The following FETUB variants were observed in gnomAD, a reference collection of about 807,000 sequenced individuals.
The protein encoded by FETUB is fetuin-B.
FETUB carries 28 observed loss-of-function variants against 30.9 expected under a neutral mutation model. That is an observed-to-expected ratio of 0.90 (90% confidence interval 0.67 to 1.24). The LOEUF (loss-of-function observed/expected upper bound fraction) is 1.24. Among genes scored for constraint, FETUB ranks in the 50% most tolerant of loss-of-function variants. The probability of loss-of-function intolerance (pLI) is 0.00; values close to 1 mark genes in which losing one functional copy is unlikely to be tolerated. For synonymous variants in FETUB, 186 were observed against 175.9 expected (o/e 1.06, Z -0.45); for missense variants, 469 against 455.3 (o/e 1.03, Z -0.27).
Position 186,651,220 on chromosome 3 carries a change from T to C in FETUB, c.699T>C (p.Pro233=). ...TGACATTGTATTTTCTCTTTTAGCC[T>C]GTTGGTCTTTGCAAAGGTTCTCTGA... is the stretch of plus-strand genomic sequence containing the variant. ...SCSLQSSDSV[P]VGLCKGSLTR... is the part of the protein sequence containing the mutation. The change falls in exon 6 of 7, where the codon CCT becomes CCC. Residue 233 remains proline (P), a splice_region_variant and synonymous_variant. Transcript: ENST00000265029. The C allele has an allele frequency of 1.9e-6, 3 of 1,608,244 alleles. No homozygotes were observed. The highest frequency in any genetic ancestry group is 2.6e-6 in the Non-Finnish European group (3 of 1,174,664).
Position 186,652,712 on chromosome 3 carries a change from G to A in FETUB, c.*81G>A, listed in dbSNP as rs1016948867. ...TGGGGACGATGGACAGAGACAGAGC[G>A]TGCACACGTAGAGTGGCTAGTGAAG... is the stretch of plus-strand genomic sequence containing the variant. On this transcript the variant is annotated 3_prime_UTR_variant, in exon 7 of 7. Transcript: ENST00000265029. 24 of 1,487,712 alleles carry A rather than the reference G, an allele frequency of 1.6e-5. No individual in the cohort carries two copies. The South Asian group carries it at 1.8e-4, about 11-fold the overall frequency. The allele number at this position is 1,487,712 out of a possible 1,614,324, so 92.2% of individuals were successfully genotyped here.
At position 186,644,758 on chromosome 3, in the gene FETUB, A is replaced by G; in HGVS notation, c.432A>G (p.Lys144=). 6.3e-7 allele frequency: 1 copy of G among 1,590,544 alleles called. No homozygotes were observed. ...TGTTATTGGCATCAACAGTTTCAAA[A>G]AAAAAGATTTACATGACGTGCCCTG... is the stretch of plus-strand genomic sequence containing the variant. ...AYNCTLRPVS[K]KKIYMTCPDC... The change falls in exon 4 of 7, where the codon AAA becomes AAG. Residue 144 remains lysine, a synonymous_variant. Transcript: ENST00000265029.
upstream of FETUB, among the ~76,000 whole-genome samples, chr3:186,639,267 T>C (rs535638383): frequency 1.3e-5 from 2 of 152,306 alleles, no homozygotes; most frequent in Non-Finnish European, 2.9e-5. Context: ...TAATGGCATA[T>C]TCCATTCATG....
chr3:186,645,052 C>T, intron 4 of FETUB, 132 bp downstream of exon 4: 1 of 626,500 alleles, frequency 1.6e-6, no homozygotes, highest in Non-Finnish European at 2.7e-6. Flanking sequence ...ACTTTCCCCA[C>T]TTTGATAGAC....
intron 2 of FETUB, chr3:186,641,612 T>C (rs1225512083): frequency 1.3e-5 from 2 of 152,886 alleles, no homozygotes; most frequent in Non-Finnish European, 2.9e-5. Context: ...AAGGGCGCCG[T>C]GTAAGGATTT....
chr3:186,638,625 G>A (rs188735463), upstream of FETUB, among the ~76,000 whole-genome samples: 6 of 152,316 alleles, frequency 3.9e-5, no homozygotes, highest in East Asian at 1.2e-3. Flanking sequence ...AGGTGCATAA[G>A]TGGTGGTGCA....
At chr3:186,647,753 A>T (rs1717668817) in intron 5 of FETUB, among the ~76,000 whole-genome samples, 1 of 152,130 alleles carries the variant, frequency 6.6e-6, no homozygotes, top group South Asian at 2.1e-4. Context: ...TATCAGATAT[A>T]TATTTTTAAG....
intron 5 of FETUB, 85 bp downstream of exon 5, chr3:186,646,434 TCATAAGG>T: frequency 1.0e-6 from 1 of 1,003,150 alleles, no homozygotes; most frequent in Non-Finnish European, 1.6e-6. Context: ...ATATGAGGTG[TCATAAGG>T]CATGAGATGC....
upstream of FETUB, chr3:186,640,246 G>A (rs1560018488): frequency 1.7e-6 from 1 of 584,778 alleles, no homozygotes; most frequent in Admixed American, 3.0e-5. Context: ...ATGTACAGGT[G>A]GATATGAGGT....
upstream of FETUB, chr3:186,636,058 C>A (rs1447042217): frequency 1.3e-5 from 2 of 152,240 alleles, no homozygotes; most frequent in Admixed American, 6.5e-5. Context: ...GCTTATGTAT[C>A]AGTTGCCTAT....
Position 186,640,553 on chromosome 3 carries a change from G to T in FETUB, c.93G>T (p.Leu31=), listed in dbSNP as rs1358821290. 1 of 1,614,214 alleles carries T rather than the reference G, an allele frequency of 6.2e-7. No homozygotes were observed. Among genetic ancestry groups the T allele is most frequent in the East Asian group, 2.2e-5 (1 of 44,890 alleles). ...AGCTGGCCCTCAACCCCTCGGCTCT[G>T]CTCTCCCGGGGCTGCAATGACTCAG... ...PPQLALNPSA[L]LSRGCNDSDV... Residue 31 remains leucine (L), a synonymous_variant, in exon 1 of 7, where the codon CTG becomes CTT. Coordinates refer to ENST00000265029, the MANE Select transcript of FETUB (RefSeq NM_014375.3).
intron 3 of FETUB, 53 bp from the exon 4 acceptor site, chr3:186,644,698 T>C: frequency 1.4e-6 from 2 of 1,414,676 alleles, no homozygotes; most frequent in Non-Finnish European, 1.9e-6. Context: ...TACAGTCATA[T>C]GATTTATTGA....
chr3:186,643,548 C>T (rs1397446782), intron 3 of FETUB, among the ~76,000 whole-genome samples: 2 of 152,164 alleles, frequency 1.3e-5, no homozygotes, highest in Non-Finnish European at 2.9e-5. Flanking sequence ...CTTTGAATAA[C>T]AAGGCAAGCG....
At chr3:186,636,541 G>A (rs565848941), upstream of FETUB, among the ~76,000 whole-genome samples, 6 of 152,276 alleles carry the variant, frequency 3.9e-5, no homozygotes, top group South Asian at 2.1e-4. Flanking sequence ...TTTTGATTCC[G>A]AAAAGTGTTC....
At position 186,644,238 on chromosome 3, in the gene FETUB, A is replaced by T. The variant is rs114742427; in HGVS notation, c.425-513A>T. On this transcript the variant is annotated intron_variant, in intron 3 of 6. Coordinates refer to ENST00000265029, the MANE Select transcript of FETUB (RefSeq NM_014375.3). The stretch of plus-strand genomic sequence containing the variant: ...TCCCCCTATCTAGCTGTAATTTTGT[A>T]TCCTTTGACAGATCTCACTTGCATT... Among the ~76,000 whole-genome samples, 1,467 of 152,236 alleles carry T rather than the reference A, an allele frequency of 9.6e-3. 29 individuals carry two copies. The highest frequency in any genetic ancestry group is 0.033 in the African/African-American group (1,390 of 41,524).
chr3:186,638,043 A>C (rs73061449), upstream of FETUB, among the ~76,000 whole-genome samples: 6,033 of 152,360 alleles, frequency 0.04, 398 homozygotes, highest in African/African-American at 0.14. Flanking sequence ...TTTTATGTTA[A>C]TCACATATTG....
chr3:186,642,724 C>T (rs890415311), intron 3 of FETUB, among the ~76,000 whole-genome samples, 166 bp downstream of exon 3: 2 of 152,224 alleles, frequency 1.3e-5, no homozygotes, highest in South Asian at 2.1e-4. Flanking sequence ...GAAATTCATA[C>T]TATACTGCTC....
At chr3:186,645,487 C>T (rs1259038692) in intron 4 of FETUB, among the ~76,000 whole-genome samples, 1 of 152,084 alleles carries the variant, frequency 6.6e-6, no homozygotes, top group African/African-American at 2.4e-5. Flanking sequence ...ACCACCACAC[C>T]TGGCTAATTT....
At position 186,646,304 on chromosome 3, in the gene FETUB, T is replaced by TAA. The variant is rs1309386715; in HGVS notation, c.653_654dup (p.Ser219AsnfsTer24). ...ACTTAATTAAAGAATCACCATGTAC[T>TAA]AAATCCCAGGCCAGCAGCTGTTCAC... On this transcript the variant is annotated frameshift_variant, in exon 5 of 7. Coordinates refer to ENST00000265029, the MANE Select transcript of FETUB (RefSeq NM_014375.3). LOFTEE classifies it high-confidence loss of function. 6.2e-7 allele frequency: 1 copy of TAA among 1,614,100 alleles called. No individual in the cohort carries two copies. Among genetic ancestry groups the TAA allele is most frequent in the South Asian group, 1.1e-5 (1 of 91,086 alleles).
Sources: gnomAD v4.1 joint callset for allele counts (sites outside exome capture counted in the v4.1 genomes callset) on GRCh38, gnomAD v4.1.1 for gene constraint, MANE v1.5 for transcripts, NCBI Gene and HGNC (gene_info 2026-07-23, HGNC 2026-07-21) for gene names.